The following KCNQ5 variants were observed in gnomAD, a reference collection of about 807,000 sequenced individuals.
The protein encoded by KCNQ5 is potassium voltage-gated channel subfamily KQT member 5.
In KCNQ5, 30 loss-of-function variants were observed where a neutral mutation model predicts 98.2. The ratio of observed to expected loss-of-function variants is 0.31; its 90% confidence interval spans 0.23 to 0.41. KCNQ5 has a LOEUF of 0.41. Ranked by LOEUF, KCNQ5 falls within the 10% of genes least tolerant of loss-of-function variation. The pLI, the probability that KCNQ5 is intolerant of heterozygous loss-of-function variation, is 1.00. For synonymous variants in KCNQ5, 458 were observed against 449.4 expected (o/e 1.02, Z -0.24); for missense variants, 835 against 1,182.5 (o/e 0.71, Z 4.31).
In KCNQ5 at chr6:72,940,533, A is replaced by G. The variant is rs151154852; in HGVS notation, c.399-63375A>G. 1.3e-3 allele frequency among the ~76,000 whole-genome samples: 198 copies of G among 152,304 alleles called. 2 individuals carry two copies. Among genetic ancestry groups the G allele is most frequent in the Non-Finnish European group, 2.1e-3 (142 of 68,014 alleles). ...ACAATAGGAAGACAGGCCCAGTGTG[A>G]CTAGGATTCTGGGATGCTACCAGCT... On this transcript the variant is annotated intron_variant, in intron 1 of 13. Transcript: ENST00000370398.
intron 5 of KCNQ5, among the ~76,000 whole-genome samples, chr6:73,087,441 C>A (rs9343001): frequency 0.95 from 144,087 of 152,274 alleles, 68,172 homozygotes; most frequent in South Asian, 0.97. Flanking sequence ...TAGACACATT[C>A]AGTTAAATGA....
chr6:72,822,309 G>A (rs549208465), intron 1 of KCNQ5, among the ~76,000 whole-genome samples: 7 of 152,294 alleles, frequency 4.6e-5, no homozygotes, highest in African/African-American at 9.6e-5. Context: ...TCATTTGGGC[G>A]ACTGCAGTTC....
chr6:73,178,197 A>G (rs577090351), intron 11 of KCNQ5, among the ~76,000 whole-genome samples: 2 of 151,974 alleles, frequency 1.3e-5, no homozygotes, highest in South Asian at 4.2e-4. Flanking sequence ...CGCCATATCA[A>G]TGCTTACAAA....
chr6:73,070,908 G>C (rs1442325869), intron 3 of KCNQ5, among the ~76,000 whole-genome samples: 1 of 152,104 alleles, frequency 6.6e-6, no homozygotes, highest in African/African-American at 2.4e-5. Context: ...AGACTATTCT[G>C]AATAGTAAAC....
At chr6:72,952,915 C>G (rs1473444036) in intron 1 of KCNQ5, among the ~76,000 whole-genome samples, 1 of 152,196 alleles carries the variant, frequency 6.6e-6, no homozygotes, top group Non-Finnish European at 1.5e-5. Flanking sequence ...TATGCTACAT[C>G]TAGATTACAA....
At chr6:73,169,288 C>T (rs72953123) in intron 10 of KCNQ5, among the ~76,000 whole-genome samples, 8,287 of 152,246 alleles carry the variant, frequency 0.054, 266 homozygotes, top group Middle Eastern at 0.092. Context: ...TTCTTGGCTC[C>T]GGCTACTTAG....
At position 72,879,557 on chromosome 6, in the gene KCNQ5, A is replaced by G. The variant is rs117822171; in HGVS notation, c.399-124351A>G. ...TTCTCTTAGACACTTTACTTCTACC[A>G]TTGTGGTACCTTTTATTGTAGAGAC... is the stretch of plus-strand genomic sequence containing the variant. On this transcript the variant is annotated intron_variant, in intron 1 of 13. Transcript: ENST00000370398. 7.2e-5 allele frequency among the ~76,000 whole-genome samples: 11 copies of G among 152,214 alleles called. No homozygotes were observed. The East Asian group carries it at 1.2e-3, about 16-fold the overall frequency.
intron 1 of KCNQ5, among the ~76,000 whole-genome samples, chr6:72,723,226 T>A (rs1770068124): frequency 6.6e-6 from 1 of 152,314 alleles, no homozygotes; most frequent in African/African-American, 2.4e-5. Context: ...AAGAACATGA[T>A]TTATTTATAT....
At chr6:72,922,369 T>A (rs113106439) in intron 1 of KCNQ5, among the ~76,000 whole-genome samples, 1 of 152,196 alleles carries the variant, frequency 6.6e-6, no homozygotes, top group African/African-American at 2.4e-5. Flanking sequence ...TTGAAATGAC[T>A]AAATCAAGAT....
At chr6:73,151,337 G>T (rs1034664433) in intron 10 of KCNQ5, among the ~76,000 whole-genome samples, 17 of 151,958 alleles carry the variant, frequency 1.1e-4, no homozygotes, top group African/African-American at 3.6e-4. Context: ...TGAGTGTACT[G>T]CTAACTTCTG....
intron 1 of KCNQ5, among the ~76,000 whole-genome samples, chr6:72,649,949 A>G (rs1765792445): frequency 6.6e-6 from 1 of 152,148 alleles, no homozygotes; most frequent in Non-Finnish European, 1.5e-5. Flanking sequence ...AATATATTTA[A>G]TACAAACAGT....
chr6:72,992,796 A>G (rs1408689750), intron 1 of KCNQ5, among the ~76,000 whole-genome samples: 2 of 108,732 alleles, frequency 1.8e-5, no homozygotes, highest in Non-Finnish European at 3.5e-5. Flanking sequence ...AGCGGCTGGT[A>G]CCGGTTGTTC....
intron 1 of KCNQ5, among the ~76,000 whole-genome samples, chr6:72,822,133 G>T (rs554293515): frequency 1.3e-5 from 2 of 152,064 alleles, no homozygotes; most frequent in African/African-American, 4.8e-5. Flanking sequence ...AACAGGAGGG[G>T]CCTGGATCTC....
intron 1 of KCNQ5, among the ~76,000 whole-genome samples, chr6:72,636,311 T>C (rs977721672): frequency 1.3e-5 from 2 of 152,156 alleles, no homozygotes; most frequent in Non-Finnish European, 2.9e-5. Context: ...CAAGAATAGA[T>C]CTATAATCTG....
At chr6:72,873,148 TATAA>T (rs796535527) in intron 1 of KCNQ5, among the ~76,000 whole-genome samples, 35 of 152,314 alleles carry the variant, frequency 2.3e-4, no homozygotes, top group African/African-American at 8.2e-4. Flanking sequence ...TTTCATTCTC[TATAA>T]ATACTTTATA....
At position 72,966,912 on chromosome 6, in the gene KCNQ5, G is replaced by T. The variant is rs74698358; in HGVS notation, c.399-36996G>T. On this transcript the variant is annotated intron_variant, in intron 1 of 13. Transcript: ENST00000370398. ...CCCAATTACACCTTGAAGACCTGTT[G>T]TTTCTGGAGGGAGTTGGAGGAATTA... is the stretch of plus-strand genomic sequence containing the variant. 8.1e-3 allele frequency among the ~76,000 whole-genome samples: 1,234 copies of T among 152,320 alleles called. 42 individuals carry two copies. The highest frequency in any genetic ancestry group is 0.068 in the Admixed American group (1,042 of 15,300).
At chr6:72,653,364 T>C (rs1045442336) in intron 1 of KCNQ5, among the ~76,000 whole-genome samples, 10 of 152,066 alleles carry the variant, frequency 6.6e-5, no homozygotes, top group Non-Finnish European at 1.2e-4. Context: ...TATGTAATTT[T>C]ATCTCCATTT....
At chr6:73,077,981 A>G in intron 5 of KCNQ5, 94 bp downstream of exon 5, 3 of 1,028,252 alleles carry the variant, frequency 2.9e-6, no homozygotes, top group Non-Finnish European at 4.1e-6. Context: ...TTCAATAAAA[A>G]TATTAAATTG....
intron 1 of KCNQ5, among the ~76,000 whole-genome samples, chr6:72,740,870 C>T (rs889295126): frequency 3.3e-5 from 5 of 152,182 alleles, no homozygotes; most frequent in Admixed American, 6.5e-5. Flanking sequence ...TACCTGCCCT[C>T]TAATTACGAC....
Sources: gnomAD v4.1 joint callset for allele counts (sites outside exome capture counted in the v4.1 genomes callset) on GRCh38, gnomAD v4.1.1 for gene constraint, MANE v1.5 for transcripts, NCBI Gene and HGNC (gene_info 2026-07-23, HGNC 2026-07-21) for gene names.